SOBP: variants seen among roughly 807,000 people sequenced by gnomAD.
SOBP encodes sine oculis-binding protein homolog.
SOBP carries 4 observed loss-of-function variants against 53.6 expected under a neutral mutation model. The ratio of observed to expected loss-of-function variants is 0.07; its 90% confidence interval spans 0.04 to 0.17. SOBP has a LOEUF of 0.17. Ranked by LOEUF, SOBP falls within the 10% of genes least tolerant of loss-of-function variation. SOBP has a pLI of 1.00. For synonymous variants in SOBP, 584 were observed against 522.6 expected (o/e 1.12, Z -1.60); for missense variants, 1,088 against 1,204.7 (o/e 0.90, Z 1.43).
At chr6:107,559,095 CTA>C (rs1158503690) in intron 4 of SOBP, among the ~76,000 whole-genome samples, 7 of 152,034 alleles carry the variant, frequency 4.6e-5, no homozygotes, top group African/African-American at 7.3e-5. Context: ...AATAGATAAA[CTA>C]TTTCTGAACC....
At chr6:107,514,477 T>C (rs1177259887) in intron 3 of SOBP, 1 of 152,190 alleles carries the variant, frequency 6.6e-6, no homozygotes, top group Non-Finnish European at 1.5e-5. Flanking sequence ...TACTATGATA[T>C]GGGTCCTGCT....
At chr6:107,591,524 A>T (rs1436193790) in intron 5 of SOBP, among the ~76,000 whole-genome samples, 1 of 152,096 alleles carries the variant, frequency 6.6e-6, no homozygotes, top group African/African-American at 2.4e-5. Flanking sequence ...AGTGTAAGGG[A>T]AGGGGGTTTT....
chr6:107,538,184 A>G (rs1303826595), intron 4 of SOBP, among the ~76,000 whole-genome samples: 3 of 152,160 alleles, frequency 2.0e-5, no homozygotes, highest in African/African-American at 7.2e-5. Context: ...TTATTTAGAC[A>G]TAGTCTATTT....
chr6:107,642,302 G>A lies in SOBP; in HGVS notation c.*3+6833G>A, dbSNP rs536235304. ...AACATGAGACCATCAACAGGGAGGGGAAGTACACACACATGCACAAAACTT... is the reference window on the plus strand; with the variant it reads ...AACATGAGACCATCAACAGGGAGGGAAAGTACACACACATGCACAAAACTT... On this transcript the variant is annotated intron_variant, in intron 6 of 6. Transcript: ENST00000317357. Among the ~76,000 whole-genome samples the A allele has an allele frequency of 6.6e-5, 10 of 152,182 alleles. 1 individual carries two copies. The highest frequency in any genetic ancestry group is 5.9e-4 in the Admixed American group (9 of 15,298).
chr6:107,614,610 G>A (rs1327533422), intron 5 of SOBP, among the ~76,000 whole-genome samples: 1 of 152,220 alleles, frequency 6.6e-6, no homozygotes, highest in Non-Finnish European at 1.5e-5. Context: ...CTTTTATAAA[G>A]TAGTGAGTTC....
chr6:107,654,907 A>C (rs1298509179), intron 6 of SOBP, among the ~76,000 whole-genome samples: 1 of 134,942 alleles, frequency 7.4e-6, no homozygotes, highest in Non-Finnish European at 1.6e-5. Context: ...TGAGGCTCTG[A>C]GGGAGGGTGG....
intron 4 of SOBP, among the ~76,000 whole-genome samples, chr6:107,551,391 A>G (rs1784454810): frequency 6.6e-6 from 1 of 152,172 alleles, no homozygotes; most frequent in Non-Finnish European, 1.5e-5. Flanking sequence ...ACCAGTAGTA[A>G]AAAATTTGTT....
At chr6:107,570,374 T>A (rs763877137) in intron 4 of SOBP, among the ~76,000 whole-genome samples, 2 of 152,254 alleles carry the variant, frequency 1.3e-5, no homozygotes, top group African/African-American at 4.8e-5. Context: ...TTAGCCTAAA[T>A]CAATCAATCT....
intron 4 of SOBP, among the ~76,000 whole-genome samples, chr6:107,560,664 T>G (rs75858472): frequency 8.3e-4 from 127 of 152,308 alleles, no homozygotes; most frequent in African/African-American, 3.0e-3. Flanking sequence ...ATGACAAAGA[T>G]GTTAGTGTCC....
At position 107,634,988 on chromosome 6, in the gene SOBP, A is replaced by G; in HGVS notation, c.2144A>G (p.Glu715Gly). The change falls in exon 6 of 7, where the codon GAG becomes GGG. Residue 715 changes from glutamate (E) to glycine (G), a missense_variant. Glu to Gly is a moderately conservative substitution (Grantham distance 98). Around this residue, in one of 6 missense-constraint regions of SOBP, gnomAD observed 665 missense variants for 629.7 expected, o/e 1.06. Coordinates refer to ENST00000317357, the MANE Select transcript of SOBP (RefSeq NM_018013.4). This position sits in a 1 kb window ranked among gnomAD's most constrained non-coding sequence, Gnocchi z 4.5. ...GGCCCGGGCGCCCCGGCGGGCCCCG[A>G]GGCGGCCGCGGCCTGCAACGTCATC... ...DPGPGAPAGP[E>G]AAAACNVIVN... The G allele has an allele frequency of 9.5e-7, 1 of 1,048,070 alleles. No homozygotes were observed. Among genetic ancestry groups the G allele is most frequent in the Non-Finnish European group, 1.1e-6 (1 of 872,934 alleles). 64.9% of individuals were successfully genotyped at this position (1,048,070 alleles called of 1,614,324 possible). A position where few individuals can be genotyped will look rare whatever the true frequency, so the allele number is the denominator to read the frequency against.
At chr6:107,553,946 C>G (rs1350715682) in intron 4 of SOBP, among the ~76,000 whole-genome samples, 1 of 152,202 alleles carries the variant, frequency 6.6e-6, no homozygotes, top group Non-Finnish European at 1.5e-5. Context: ...GAGAATTCAG[C>G]TCCCATCTTC....
chr6:107,653,345 G>A (rs980264758), intron 6 of SOBP, among the ~76,000 whole-genome samples: 2 of 152,164 alleles, frequency 1.3e-5, no homozygotes, highest in Non-Finnish European at 2.9e-5. Context: ...GAATAGCTGC[G>A]GCTACCTGAG....
chr6:107,653,728 T>C (rs1349888056), intron 6 of SOBP, among the ~76,000 whole-genome samples: 1 of 152,180 alleles, frequency 6.6e-6, no homozygotes, highest in Non-Finnish European at 1.5e-5. Context: ...GGCTTCCTGG[T>C]AGAAGTGGAA....
At chr6:107,621,048 T>C in intron 5 of SOBP, 1 of 350,478 alleles carries the variant, frequency 2.9e-6, no homozygotes, top group Non-Finnish European at 4.0e-6. Flanking sequence ...TTAATTTACT[T>C]AGCTCTAAAA....
At chr6:107,623,665 G>C (rs1015702058) in intron 5 of SOBP, among the ~76,000 whole-genome samples, 3 of 152,150 alleles carry the variant, frequency 2.0e-5, no homozygotes, top group African/African-American at 7.2e-5. Context: ...GACAAATGTT[G>C]ACCAAATTTT....
intron 6 of SOBP, among the ~76,000 whole-genome samples, chr6:107,648,713 A>G (rs1426919043): frequency 6.6e-6 from 1 of 152,018 alleles, no homozygotes; most frequent in Non-Finnish European, 1.5e-5. Context: ...GGGAGGGGGA[A>G]ACTTGACTTT....
chr6:107,505,376 G>A (rs1583150172), intron 2 of SOBP, among the ~76,000 whole-genome samples: 1 of 151,844 alleles, frequency 6.6e-6, no homozygotes. Flanking sequence ...AAGCTGGAGT[G>A]CAGTGGCGCG....
intron 3 of SOBP, chr6:107,514,765 A>T (rs865933508): frequency 6.6e-6 from 1 of 152,224 alleles, no homozygotes; most frequent in Non-Finnish European, 1.5e-5. Context: ...CTATATTTAT[A>T]AAATCCTTAT....
intron 3 of SOBP, among the ~76,000 whole-genome samples, chr6:107,507,151 G>T (rs745889717): frequency 8.5e-5 from 13 of 152,078 alleles, no homozygotes; most frequent in Non-Finnish European, 1.9e-4. Context: ...TGAGGAGAGG[G>T]ATAGTTTTGT....
Sources: allele counts gnomAD v4.1 joint callset (sites outside exome capture counted in the v4.1 genomes callset), GRCh38; gene constraint gnomAD v4.1.1; regional missense constraint gnomAD v4.1.1; non-coding constraint Gnocchi (gnomAD v3.1); transcripts MANE v1.5; gene names NCBI Gene and HGNC (gene_info 2026-07-23, HGNC 2026-07-21).